The following PRKN variants were observed in gnomAD, a reference collection of about 807,000 sequenced individuals.
PRKN encodes the protein parkin RBR E3 ubiquitin protein ligase.
In PRKN, 56 loss-of-function variants were observed where a neutral mutation model predicts 59.5. The observed-to-expected ratio is 0.94, with a 90% CI of 0.76 to 1.18. PRKN has a LOEUF of 1.18. Ranked by LOEUF, PRKN falls within the 50% of genes most tolerant of loss-of-function variation. The pLI, the probability that PRKN is intolerant of heterozygous loss-of-function variation, is 0.00. For synonymous variants in PRKN, 250 were observed against 222.1 expected, an observed-to-expected ratio of 1.13 and a Z score of -1.12; for missense variants, 657 against 596.4, an observed-to-expected ratio of 1.10 and a Z score of -1.06.
At position 162,173,522 on chromosome 6, in the gene PRKN, A is replaced by G. The variant is rs547146482; in HGVS notation, c.534+27609T>C. 4.0e-3 allele frequency among the ~76,000 whole-genome samples: 517 copies of G among 130,186 alleles called. 2 individuals are homozygous for G. Among genetic ancestry groups the G allele is most frequent in the Middle Eastern group, 0.016 (4 of 248 alleles). 85.4% of individuals were successfully genotyped at this position (130,186 alleles called of 152,430 possible). ...GCGTCCTGGACATTTTCAGGTATCT[A>G]TTTTGATGCAGCTTTTTTTTTTTTT... On this transcript the variant is annotated intron_variant, in intron 4 of 11. Transcript: ENST00000366898.
chr6:162,470,860 C>G (rs1338823150), intron 1 of PRKN, among the ~76,000 whole-genome samples: 1 of 151,746 alleles, frequency 6.6e-6, no homozygotes, highest in African/African-American at 2.4e-5. Context: ...AGTTTCAAGT[C>G]ATTCTCCTGC....
At chr6:162,706,844 A>G (rs1328751430) in intron 1 of PRKN, among the ~76,000 whole-genome samples, 2 of 151,720 alleles carry the variant, frequency 1.3e-5, no homozygotes, top group Non-Finnish European at 3.0e-5. Flanking sequence ...AATTCTTAAG[A>G]AGACACTAAC....
chr6:161,935,324 G>A (rs1779314363), intron 6 of PRKN, among the ~76,000 whole-genome samples: 1 of 152,030 alleles, frequency 6.6e-6, no homozygotes, highest in Admixed American at 6.6e-5. Flanking sequence ...AGGCCAAGGA[G>A]GGTGAATTGC....
At chr6:161,697,128 G>GT (rs1420290244) in intron 7 of PRKN, among the ~76,000 whole-genome samples, 2 of 152,174 alleles carry the variant, frequency 1.3e-5, no homozygotes, top group African/African-American at 4.8e-5. Flanking sequence ...GAAGTAGCCT[G>GT]TTAGTCCCTT....
At chr6:161,819,941 C>T (rs941944862) in intron 6 of PRKN, among the ~76,000 whole-genome samples, 3 of 151,924 alleles carry the variant, frequency 2.0e-5, no homozygotes, top group African/African-American at 7.3e-5. Flanking sequence ...ATTAACTGGC[C>T]AAATTAAGCC....
chr6:162,383,197 T>C (rs1385691244), intron 2 of PRKN, among the ~76,000 whole-genome samples: 12 of 152,204 alleles, frequency 7.9e-5, no homozygotes, highest in African/African-American at 2.4e-4. Flanking sequence ...TCTAGAATGG[T>C]GAATTATTTC....
intron 6 of PRKN, among the ~76,000 whole-genome samples, chr6:161,820,253 T>C (rs1791966728): frequency 6.6e-6 from 1 of 151,934 alleles, no homozygotes. Context: ...ACTCATACAT[T>C]GCTAGTGGGA....
chr6:161,436,289 C>T (rs1365311213), intron 9 of PRKN, among the ~76,000 whole-genome samples: 2 of 41,696 alleles, frequency 4.8e-5, no homozygotes, highest in African/African-American at 1.9e-4. Flanking sequence ...ATGGGAGGGA[C>T]AGAGAGCAGG....
In PRKN at chr6:161,529,629, C is replaced by T. The variant is rs1348918700; in HGVS notation, c.1083+19225G>A. Among the ~76,000 whole-genome samples, 1 of 152,168 alleles carries T rather than the reference C, an allele frequency of 6.6e-6. No homozygotes were observed. The highest frequency in any genetic ancestry group is 1.5e-5 in the Non-Finnish European group (1 of 68,034). ...GAAGTATAGTCTACTCATAGGATTACGGCAACTCAGTTTAAGTGAGGCTGT... is the reference window on the plus strand; with the variant it reads ...GAAGTATAGTCTACTCATAGGATTATGGCAACTCAGTTTAAGTGAGGCTGT... On this transcript the variant is annotated intron_variant, in intron 9 of 11. Coordinates refer to ENST00000366898, the MANE Select transcript of PRKN (RefSeq NM_004562.3). The surrounding 1 kb of genome is among the most constrained non-coding windows in gnomAD (Gnocchi z 4.4).
In PRKN at chr6:162,201,252, G is replaced by A. The variant is rs1784719270; in HGVS notation, c.413C>T (p.Ala138Val). 6.2e-7 allele frequency: 1 copy of A among 1,613,390 alleles called. No individual in the cohort carries two copies. Among genetic ancestry groups the A allele is most frequent in the African/African-American group, 1.3e-5 (1 of 74,894 alleles). Residue 138 changes from alanine to valine, a missense_variant and splice_region_variant, in exon 4 of 12, where the codon GCA becomes GTA. Ala to Val is a moderately conservative substitution (Grantham distance 64). Coordinates refer to ENST00000366898, the MANE Select transcript of PRKN (RefSeq NM_004562.3). ...RKDSPPAGSP[A>V]GRSIYNSFYV... Reference sequence around the variant, plus strand: ...AAAGCTGTTGTAGATTGATCTACCTGCTGGAGAAGAAAAAGCAGAAGAAGT... The same window carrying A: ...AAAGCTGTTGTAGATTGATCTACCTACTGGAGAAGAAAAAGCAGAAGAAGT...
chr6:161,525,626 A>G lies in PRKN; in HGVS notation c.1083+23228T>C, dbSNP rs926239826. On this transcript the variant is annotated intron_variant, in intron 9 of 11. Coordinates refer to ENST00000366898, the MANE Select transcript of PRKN (RefSeq NM_004562.3). This position sits in a 1 kb window ranked among gnomAD's most constrained non-coding sequence, Gnocchi z 4.7. Reference sequence around the variant, plus strand: ...TGTAGGAGGCAGTTCCCGGAGCCTAAGTATTAAAATATGAACAGAGACAAG... The same window carrying G: ...TGTAGGAGGCAGTTCCCGGAGCCTAGGTATTAAAATATGAACAGAGACAAG... Among the ~76,000 whole-genome samples, 10 of 152,216 alleles carry G rather than the reference A, an allele frequency of 6.6e-5. No homozygotes were observed. Among genetic ancestry groups the G allele is most frequent in the Middle Eastern group, 3.2e-3 (1 of 316 alleles).
intron 4 of PRKN, among the ~76,000 whole-genome samples, chr6:162,141,764 T>G (rs1425032966): frequency 6.6e-6 from 1 of 152,192 alleles, no homozygotes; most frequent in Non-Finnish European, 1.5e-5. Context: ...AAGAAGCTTA[T>G]GTACATGGAG....
At chr6:161,534,085 A>C (rs1779322693) in intron 9 of PRKN, among the ~76,000 whole-genome samples, 1 of 151,994 alleles carries the variant, frequency 6.6e-6, no homozygotes, top group African/African-American at 2.4e-5. Flanking sequence ...CATTGTCTGC[A>C]GGATGAAGTA....
intron 2 of PRKN, among the ~76,000 whole-genome samples, chr6:162,420,801 C>T (rs1030639827): frequency 6.6e-6 from 1 of 150,614 alleles, no homozygotes; most frequent in African/African-American, 2.5e-5. Flanking sequence ...GGGACACTTA[C>T]AGTTTTAACG....
rs4708945 is a variant in PRKN, at chr6:162,219,977, T to A, written c.413-18725A>T. Among the ~76,000 whole-genome samples the A allele has an allele frequency of 1.0e-3, 155 of 152,276 alleles. 1 individual carries two copies. Among genetic ancestry groups the A allele is most frequent in the Admixed American group, 8.8e-3 (135 of 15,294 alleles). On this transcript the variant is annotated intron_variant, in intron 3 of 11. Transcript: ENST00000366898. ...GTGTGGTATTTGCCTATAATCTGTG[T>A]ATATCCTCTCATATATTAAAATTGT...
intron 4 of PRKN, among the ~76,000 whole-genome samples, chr6:162,132,220 G>C (rs974407688): frequency 2.0e-5 from 3 of 152,160 alleles, no homozygotes; most frequent in Non-Finnish European, 4.4e-5. Flanking sequence ...GTCGTGAAAA[G>C]GCAGATTGGT....
At chr6:161,886,722 A>G (rs1241179560) in intron 6 of PRKN, among the ~76,000 whole-genome samples, 1 of 119,612 alleles carries the variant, frequency 8.4e-6, no homozygotes, top group East Asian at 2.6e-4. Context: ...ATAACATAAA[A>G]TAACATAAAA....
chr6:161,890,873 C>A (rs1190908351), intron 6 of PRKN, among the ~76,000 whole-genome samples: 1 of 152,180 alleles, frequency 6.6e-6, no homozygotes, highest in African/African-American at 2.4e-5. Context: ...GGTCTTAGAA[C>A]AATCACTTCT....
intron 7 of PRKN, among the ~76,000 whole-genome samples, chr6:161,707,549 C>T (rs1786555706): frequency 6.6e-6 from 1 of 152,184 alleles, no homozygotes; most frequent in Non-Finnish European, 1.5e-5. Flanking sequence ...ACACAACAAA[C>T]ACACTAAACA....
Sources: allele counts gnomAD v4.1 joint callset (sites outside exome capture counted in the v4.1 genomes callset), GRCh38; gene constraint gnomAD v4.1.1; non-coding constraint Gnocchi (gnomAD v3.1); transcripts MANE v1.5; gene names NCBI Gene and HGNC (gene_info 2026-07-23, HGNC 2026-07-21).